FBLN7: variants seen among roughly 807,000 people sequenced by gnomAD.
FBLN7 encodes fibulin-7.
Under a neutral mutation model 44.0 loss-of-function variants are expected in FBLN7, and 31 were observed. That is an observed-to-expected ratio of 0.70 (90% CI 0.53 to 0.95). The LOEUF is 0.95. Ranked by LOEUF, FBLN7 falls within the 40% of genes least tolerant of loss-of-function variation. FBLN7 has a pLI of 0.00. For missense variants in FBLN7, 573 were observed against 618.5 expected (o/e 0.93, Z 0.78); for synonymous variants, 262 against 253.4 (o/e 1.03, Z -0.32).
intron 5 of FBLN7, 29 bp from the exon 6 acceptor site, chr2:112,182,762 A>G: frequency 6.4e-7 from 1 of 1,568,534 alleles, no homozygotes; most frequent in East Asian, 2.4e-5. Context: ...CATGGCTCCT[A>G]AAGTCACAGT....
At chr2:112,220,885 G>A in the FBLN7 span, among the ~76,000 whole-genome samples, 7 of 152,060 alleles carry the variant, frequency 4.6e-5, no homozygotes, top group Admixed American at 3.9e-4. Context: ...GCCCTTAACC[G>A]TTTTTTCTTT....
chr2:112,178,998 G>A (rs187557475), intron 4 of FBLN7, among the ~76,000 whole-genome samples: 7 of 152,270 alleles, frequency 4.6e-5, no homozygotes, highest in Non-Finnish European at 8.8e-5. Context: ...AGCAACAGGC[G>A]AGAGAAAGAA....
intron 3 of FBLN7, among the ~76,000 whole-genome samples, chr2:112,167,999 A>G (rs1042128198): frequency 1.3e-5 from 2 of 152,138 alleles, no homozygotes; most frequent in Non-Finnish European, 2.9e-5. Flanking sequence ...CCTGCTGAGC[A>G]GACTTCCCTT....
At chr2:112,164,238 A>G (rs987179274) in intron 2 of FBLN7, among the ~76,000 whole-genome samples, 1 of 152,218 alleles carries the variant, frequency 6.6e-6, no homozygotes, top group Non-Finnish European at 1.5e-5. Context: ...TAAAGATGCA[A>G]TAAATAAGGC....
the FBLN7 span, chr2:112,233,296 A>G: frequency 2.5e-6 from 4 of 1,598,730 alleles, no homozygotes; most frequent in East Asian, 6.7e-5. Flanking sequence ...CTGGTACAAT[A>G]TCCTTGTACA....
chr2:112,179,764 G>A (rs894919239), intron 4 of FBLN7, among the ~76,000 whole-genome samples: 1 of 152,188 alleles, frequency 6.6e-6, no homozygotes, highest in Non-Finnish European at 1.5e-5. Flanking sequence ...TCAATAAATG[G>A]TGCTGGGATA....
intron 1 of FBLN7, among the ~76,000 whole-genome samples, chr2:112,140,818 C>T (rs1680606825): frequency 6.6e-6 from 1 of 152,162 alleles, no homozygotes; most frequent in African/African-American, 2.4e-5. Context: ...GGTCCCTTCC[C>T]GAGCCGGCGA....
chr2:112,168,114 A>G (rs1012603024), intron 3 of FBLN7, among the ~76,000 whole-genome samples: 2 of 152,136 alleles, frequency 1.3e-5, no homozygotes, highest in Non-Finnish European at 2.9e-5. Context: ...CCGTGGTCCA[A>G]CGTGGTATCC....
chr2:112,173,201 T>C (rs1327792580), intron 3 of FBLN7, among the ~76,000 whole-genome samples: 2 of 152,132 alleles, frequency 1.3e-5, no homozygotes, highest in Non-Finnish European at 2.9e-5. Flanking sequence ...TTCAGAGTCA[T>C]GAAGTTAGCA....
intron 4 of FBLN7, among the ~76,000 whole-genome samples, chr2:112,180,187 A>C (rs116477163): frequency 0.063 from 9,528 of 152,290 alleles, 396 homozygotes; most frequent in Non-Finnish European, 0.094. Flanking sequence ...ACATGAACAG[A>C]AACTTCTCAA....
In FBLN7 at chr2:112,187,180, C is replaced by CATCTGCCCAAG. The variant is rs913866668; in HGVS notation, c.996_1006dup (p.Thr336IlefsTer17). ...CCCCATGGACAGCAGGCCCTGCCGC[C>CATCTGCCCAAG]ATCTGCCCAAGACCATCTCCTTCCA... On this transcript the variant is annotated frameshift_variant, in exon 8 of 8. Coordinates refer to ENST00000331203, the MANE Select transcript of FBLN7 (RefSeq NM_153214.3). LOFTEE classifies it high-confidence loss of function. The surrounding 1 kb of genome is among the most constrained non-coding windows in gnomAD (Gnocchi z 5.1). The CATCTGCCCAAG allele has an allele frequency of 1.2e-6, 2 of 1,614,048 alleles. No homozygotes were observed. The highest frequency in any genetic ancestry group is 1.7e-6 in the Non-Finnish European group (2 of 1,180,046).
chr2:112,167,382 C>T (rs1243708310), intron 3 of FBLN7, among the ~76,000 whole-genome samples: 4 of 151,506 alleles, frequency 2.6e-5, no homozygotes, highest in African/African-American at 7.3e-5. Context: ...AGTCCATCTC[C>T]ATCCTAGTGG....
chr2:112,235,813 G>A, the FBLN7 span, among the ~76,000 whole-genome samples: 1 of 151,996 alleles, frequency 6.6e-6, no homozygotes, highest in Non-Finnish European at 1.5e-5. Context: ...TTTCCAGAGG[G>A]AGCCAGGATG....
At chr2:112,174,268 T>C (rs909810450) in intron 3 of FBLN7, among the ~76,000 whole-genome samples, 2 of 152,240 alleles carry the variant, frequency 1.3e-5, no homozygotes, top group Admixed American at 6.5e-5. Context: ...ACCGGTCTTC[T>C]GCAAACAGAA....
intron 1 of FBLN7, among the ~76,000 whole-genome samples, chr2:112,149,348 C>A (rs1681035176): frequency 6.6e-6 from 1 of 152,176 alleles, no homozygotes; most frequent in Non-Finnish European, 1.5e-5. Context: ...TGGAGTCTTT[C>A]AATCAGGAAC....
At chr2:112,156,260 T>C (rs779571500) in intron 1 of FBLN7, among the ~76,000 whole-genome samples, 11 of 152,206 alleles carry the variant, frequency 7.2e-5, no homozygotes, top group East Asian at 1.9e-4. Context: ...AGGCAGTCCA[T>C]TGGGGTGGCC....
chr2:112,141,997 T>C (rs1032259186), intron 1 of FBLN7, among the ~76,000 whole-genome samples: 1 of 152,216 alleles, frequency 6.6e-6, no homozygotes, highest in Non-Finnish European at 1.5e-5. Flanking sequence ...GCAAAACACC[T>C]GTCTTAGGTG....
chr2:112,202,426 T>C, the FBLN7 span, among the ~76,000 whole-genome samples: 1 of 151,420 alleles, frequency 6.6e-6, no homozygotes, highest in Non-Finnish European at 1.5e-5. Context: ...AGATATGAAA[T>C]ATATTTAGAA....
At chr2:112,173,950 T>G (rs1558889092) in intron 3 of FBLN7, among the ~76,000 whole-genome samples, 1 of 152,324 alleles carries the variant, frequency 6.6e-6, no homozygotes, top group East Asian at 1.9e-4. Context: ...GGGACAGCTG[T>G]GCGTTTCTCT....
Sources: gnomAD v4.1 joint callset for allele counts (sites outside exome capture counted in the v4.1 genomes callset) on GRCh38, gnomAD v4.1.1 for gene constraint, Gnocchi (gnomAD v3.1) non-coding constraint, MANE v1.5 for transcripts, NCBI Gene and HGNC (gene_info 2026-07-23, HGNC 2026-07-21) for gene names.